KLHL14: variants seen among roughly 807,000 people sequenced by gnomAD.
KLHL14 encodes kelch-like protein 14.
Under a neutral mutation model 64.3 loss-of-function variants are expected in KLHL14, and 22 were observed. The ratio of observed to expected loss-of-function variants is 0.34; its 90% CI spans 0.24 to 0.49. The LOEUF is 0.49. Among genes scored for constraint, KLHL14 ranks in the 20% least tolerant of loss-of-function variants. The pLI, the probability that KLHL14 is intolerant of heterozygous loss-of-function variation, is 0.99. For synonymous variants in KLHL14, 322 were observed against 333.4 expected (o/e 0.97, Z 0.37); for missense variants, 661 against 789.0 (o/e 0.84, Z 1.94).
intron 3 of KLHL14, among the ~76,000 whole-genome samples, chr18:32,728,043 A>G (rs1397912517): frequency 2.0e-5 from 3 of 152,168 alleles, no homozygotes; most frequent in Admixed American, 6.5e-5. Context: ...AAATAATCCA[A>G]TATTATATTC....
chr18:32,761,636 C>A (rs1230971893), intron 2 of KLHL14, among the ~76,000 whole-genome samples: 2 of 152,144 alleles, frequency 1.3e-5, no homozygotes, highest in South Asian at 4.1e-4. Context: ...GCCCATGCCA[C>A]TTTTCTCTTG....
chr18:32,709,562 C>T (rs1210008894), intron 3 of KLHL14, among the ~76,000 whole-genome samples: 2 of 152,120 alleles, frequency 1.3e-5, no homozygotes, highest in Non-Finnish European at 2.9e-5. Flanking sequence ...ATCCTCCCCC[C>T]TCAGCCTTCC....
At chr18:32,754,302 C>T (rs2050271088) in intron 2 of KLHL14, among the ~76,000 whole-genome samples, 1 of 152,204 alleles carries the variant, frequency 6.6e-6, no homozygotes, top group Admixed American at 6.5e-5. Flanking sequence ...ACTGAGACTT[C>T]GTCCTGTCTT....
At chr18:32,722,942 G>A (rs2050087080) in intron 3 of KLHL14, among the ~76,000 whole-genome samples, 2 of 152,106 alleles carry the variant, frequency 1.3e-5, no homozygotes, top group South Asian at 2.1e-4. Flanking sequence ...GTGACAGGGT[G>A]ACACCATGTC....
At chr18:32,721,167 C>A (rs2050077784) in intron 3 of KLHL14, among the ~76,000 whole-genome samples, 1 of 152,178 alleles carries the variant, frequency 6.6e-6, no homozygotes, top group African/African-American at 2.4e-5. Flanking sequence ...AGTAATCATG[C>A]CCTCAATTCC....
intron 8 of KLHL14, among the ~76,000 whole-genome samples, chr18:32,675,253 C>T (rs943567477): frequency 2.0e-5 from 3 of 152,106 alleles, no homozygotes; most frequent in Non-Finnish European, 4.4e-5. Context: ...GTCCCAGCTG[C>T]TTGGGAGGCT....
intron 3 of KLHL14, among the ~76,000 whole-genome samples, chr18:32,708,291 G>T (rs1472617411): frequency 1.3e-5 from 2 of 152,162 alleles, no homozygotes; most frequent in African/African-American, 4.8e-5. Context: ...AGGTGCTAGA[G>T]GATTTGCCAG....
chr18:32,708,542 A>G (rs972413935), intron 3 of KLHL14, among the ~76,000 whole-genome samples: 3 of 152,166 alleles, frequency 2.0e-5, no homozygotes, highest in Admixed American at 1.3e-4. Context: ...GTGCCCTGCT[A>G]TATCTTTAAA....
intron 4 of KLHL14, among the ~76,000 whole-genome samples, chr18:32,693,401 C>T (rs1454038963): frequency 8.3e-6 from 1 of 120,934 alleles, no homozygotes; most frequent in Non-Finnish European, 1.8e-5. Context: ...CACACACACA[C>T]ACACACACAC....
At chr18:32,688,920 G>C (rs1598549489) in intron 4 of KLHL14, among the ~76,000 whole-genome samples, 1 of 152,308 alleles carries the variant, frequency 6.6e-6, no homozygotes, top group Non-Finnish European at 1.5e-5. Context: ...GAGGTGGTGA[G>C]AAATGGTTGA....
intron 2 of KLHL14, among the ~76,000 whole-genome samples, chr18:32,750,333 A>G (rs2050244962): frequency 6.6e-6 from 1 of 152,142 alleles, no homozygotes; most frequent in African/African-American, 2.4e-5. Context: ...GTTACATAGG[A>G]ATAAAATATT....
intron 5 of KLHL14, among the ~76,000 whole-genome samples, chr18:32,684,888 A>C (rs1020341825): frequency 6.6e-6 from 1 of 152,044 alleles, no homozygotes; most frequent in Non-Finnish European, 1.5e-5. Flanking sequence ...TGACAGAAAA[A>C]TTTCATTTTA....
chr18:32,728,252 T>C (rs188222583), intron 3 of KLHL14, among the ~76,000 whole-genome samples: 12 of 152,306 alleles, frequency 7.9e-5, no homozygotes, highest in Admixed American at 7.2e-4. Context: ...ACTACAGTAA[T>C]GAGAAATAGC....
intron 4 of KLHL14, among the ~76,000 whole-genome samples, chr18:32,693,413 C>CACACACACACACACACAGAGAGAG (rs1229737083): frequency 2.6e-4 from 25 of 97,034 alleles, no homozygotes; most frequent in African/African-American, 1.1e-3. Flanking sequence ...CACACACACA[C>CACACACACACACACACAGAGAGAG]AGAGAGAGAG....
intron 3 of KLHL14, among the ~76,000 whole-genome samples, chr18:32,720,692 G>A (rs1270643069): frequency 1.3e-5 from 2 of 148,418 alleles, no homozygotes; most frequent in Non-Finnish European, 1.5e-5. Flanking sequence ...GAATAAAAAA[G>A]GCATCCAGGA....
At chr18:32,695,319 G>C in intron 4 of KLHL14, 144 bp downstream of exon 4, 1 of 641,572 alleles carries the variant, frequency 1.6e-6, no homozygotes, top group Non-Finnish European at 2.8e-6. Context: ...CTCTCCAATT[G>C]TCAGCCCCAT....
intron 3 of KLHL14, among the ~76,000 whole-genome samples, chr18:32,727,696 C>T (rs1051638516): frequency 1.3e-5 from 2 of 152,072 alleles, no homozygotes; most frequent in African/African-American, 4.8e-5. Context: ...GTAATTTAAT[C>T]CCATGAAATG....
chr18:32,736,600 T>G (rs951277046), intron 3 of KLHL14, among the ~76,000 whole-genome samples: 3 of 152,120 alleles, frequency 2.0e-5, no homozygotes, highest in African/African-American at 4.8e-5. Context: ...GATAATTCCT[T>G]GAAATAGTCT....
intron 2 of KLHL14, among the ~76,000 whole-genome samples, chr18:32,762,312 T>C (rs1191335098): frequency 1.3e-5 from 2 of 152,166 alleles, no homozygotes; most frequent in Non-Finnish European, 2.9e-5. Context: ...TAAGTGTTTC[T>C]TGATTTGTTC....
Sources: gnomAD v4.1 joint callset for allele counts (sites outside exome capture counted in the v4.1 genomes callset) on GRCh38, gnomAD v4.1.1 for gene constraint, MANE v1.5 for transcripts, NCBI Gene and HGNC (gene_info 2026-07-23, HGNC 2026-07-21) for gene names.